KANSL1L: variants seen among roughly 807,000 people sequenced by gnomAD.
KANSL1L encodes KAT8 regulatory NSL complex subunit 1 like.
KANSL1L carries 25 observed loss-of-function variants against 108.6 expected under a neutral mutation model. That is an observed-to-expected ratio of 0.23 (90% confidence interval 0.17 to 0.32). The LOEUF (loss-of-function observed/expected upper bound fraction) is 0.32, where lower values mean the gene tolerates loss of function less well. KANSL1L is among the 10% of genes least tolerant of loss of function. The pLI, the probability that KANSL1L is intolerant of heterozygous loss-of-function variation, is 1.00. For synonymous variants in KANSL1L, 405 were observed against 395.1 expected (o/e 1.03, Z -0.30); for missense variants, 1,137 against 1,125.7 (o/e 1.01, Z -0.14).
intron 2 of KANSL1L, among the ~76,000 whole-genome samples, chr2:210,140,188 C>G (rs935527837): frequency 6.6e-6 from 1 of 152,140 alleles, no homozygotes; most frequent in Non-Finnish European, 1.5e-5. Flanking sequence ...TAGTTTGATG[C>G]AATTTCATTT....
chr2:210,024,340 CT>C, intron 13 of KANSL1L, 139 bp from the exon 14 acceptor site: 1 of 519,788 alleles, frequency 1.9e-6, no homozygotes, highest in African/African-American at 2.0e-5. Flanking sequence ...AAAAATTCCC[CT>C]GGTGCTATTT....
intron 6 of KANSL1L, among the ~76,000 whole-genome samples, chr2:210,065,110 G>C (rs999809231): frequency 6.6e-6 from 1 of 150,920 alleles, no homozygotes; most frequent in East Asian, 2.0e-4. Context: ...CATGGCCAAC[G>C]TGGTGAAACC....
intron 2 of KANSL1L, among the ~76,000 whole-genome samples, chr2:210,136,950 C>A (rs1321286698): frequency 2.0e-5 from 3 of 152,044 alleles, no homozygotes; most frequent in Non-Finnish European, 4.4e-5. Context: ...TAGTGCCAGA[C>A]CACACAATAC....
intron 5 of KANSL1L, among the ~76,000 whole-genome samples, chr2:210,076,639 C>T (rs924780612): frequency 2.6e-5 from 4 of 151,782 alleles, no homozygotes; most frequent in African/African-American, 9.7e-5. Flanking sequence ...ACCTAAGCTA[C>T]ACATGAAAAG....
intron 5 of KANSL1L, among the ~76,000 whole-genome samples, chr2:210,086,087 A>G (rs1349657784): frequency 6.6e-6 from 1 of 151,964 alleles, no homozygotes; most frequent in Non-Finnish European, 1.5e-5. Flanking sequence ...TTAGTTTGCC[A>G]GCCTAACTGC....
intron 4 of KANSL1L, among the ~76,000 whole-genome samples, chr2:210,102,036 A>T (rs933002688): frequency 6.6e-6 from 1 of 152,240 alleles, no homozygotes; most frequent in Non-Finnish European, 1.5e-5. Context: ...AGCACCACTT[A>T]TTAAATAGGG....
intron 2 of KANSL1L, among the ~76,000 whole-genome samples, chr2:210,136,488 T>C (rs781680737): frequency 1.5e-4 from 23 of 152,192 alleles, no homozygotes; most frequent in Non-Finnish European, 3.2e-4. Context: ...TGTAAATAAA[T>C]GTTAAACTAA....
rs141077150 is a variant in KANSL1L at position 210,036,420 on chromosome 2, G to C, written c.2029+4000C>G. 9.2e-4 allele frequency among the ~76,000 whole-genome samples: 140 copies of C among 152,094 alleles called. No individual in the cohort carries two copies. The East Asian group carries it at 0.02, about 22-fold the overall frequency. On this transcript the variant is annotated intron_variant, in intron 8 of 14. Transcript: ENST00000281772. ...TGGTCTTGAACTCCTGGGCTCAAGC[G>C]ATCCCCCTACCTCAGCCTCCCAAAG...
At chr2:210,169,082 C>T (rs1688171402) in intron 1 of KANSL1L, among the ~76,000 whole-genome samples, 1 of 152,218 alleles carries the variant, frequency 6.6e-6, no homozygotes, top group South Asian at 2.1e-4. Context: ...GAGGCACACA[C>T]ATACCACTAG....
intron 5 of KANSL1L, among the ~76,000 whole-genome samples, chr2:210,097,584 T>C (rs1027932404): frequency 4.6e-5 from 7 of 152,142 alleles, no homozygotes; most frequent in African/African-American, 1.2e-4. Context: ...TATAGATAAA[T>C]TGTTAATGTT....
intron 1 of KANSL1L, among the ~76,000 whole-genome samples, chr2:210,159,591 A>G (rs980261092): frequency 2.6e-5 from 4 of 152,238 alleles, no homozygotes; most frequent in Admixed American, 6.5e-5. Context: ...AAATTCATAA[A>G]TTAATTGATC....
At position 210,150,322 on chromosome 2, in the gene KANSL1L, C is replaced by T. The variant is rs570383403; in HGVS notation, c.1088+3173G>A. Among the ~76,000 whole-genome samples the T allele has an allele frequency of 1.1e-3, 162 of 151,972 alleles. 3 individuals are homozygous for T. The highest frequency in any genetic ancestry group is 1.3e-3 in the Non-Finnish European group (86 of 67,972). On this transcript the variant is annotated intron_variant, in intron 2 of 14. Coordinates refer to ENST00000281772, the MANE Select transcript of KANSL1L (RefSeq NM_152519.4). ...CAGAGTTGGTGAAAAATAGGAGGTA[C>T]GTTATTTAGTAAAAAAAAATTTTTT... is the stretch of plus-strand genomic sequence containing the variant.
chr2:210,125,835 A>G (rs1034284533), intron 3 of KANSL1L, among the ~76,000 whole-genome samples: 1 of 152,208 alleles, frequency 6.6e-6, no homozygotes, highest in East Asian at 1.9e-4. Context: ...CTACCTAAAC[A>G]TAATAAAAGC....
At chr2:210,056,768 C>T (rs2539007) in intron 6 of KANSL1L, among the ~76,000 whole-genome samples, 59,187 of 152,050 alleles carry the variant, frequency 0.39, 13,097 homozygotes, top group Middle Eastern at 0.56. Flanking sequence ...CATGAGCCAT[C>T]GTGCCAGGCC....
At chr2:210,171,051 A>G (rs999013780) in intron 1 of KANSL1L, 98 bp downstream of exon 1, 5 of 152,426 alleles carry the variant, frequency 3.3e-5, no homozygotes, top group African/African-American at 1.2e-4. Context: ...CTGACCCGCA[A>G]GTCCACCCGG....
chr2:210,142,566 T>C (rs1016436387), intron 2 of KANSL1L, among the ~76,000 whole-genome samples: 2 of 152,128 alleles, frequency 1.3e-5, no homozygotes, highest in South Asian at 4.1e-4. Flanking sequence ...TGAAGTATAA[T>C]GTTGTTTGAG....
intron 4 of KANSL1L, among the ~76,000 whole-genome samples, chr2:210,101,111 C>T (rs1410720292): frequency 6.6e-6 from 1 of 152,162 alleles, no homozygotes; most frequent in Admixed American, 6.6e-5. Flanking sequence ...AGAGCCATTA[C>T]TGCTCTCACA....
intron 5 of KANSL1L, among the ~76,000 whole-genome samples, chr2:210,078,919 TA>T (rs901907119): frequency 2.6e-5 from 4 of 151,456 alleles, no homozygotes; most frequent in East Asian, 1.9e-4. Context: ...GACATTCTTT[TA>T]AAAAAAAATA....
intron 3 of KANSL1L, among the ~76,000 whole-genome samples, chr2:210,123,017 G>C (rs1404637838): frequency 6.6e-6 from 1 of 152,124 alleles, no homozygotes; most frequent in Non-Finnish European, 1.5e-5. Context: ...AGTTAAAATA[G>C]CTTCTATCCA....
Sources: gnomAD v4.1 joint callset for allele counts (sites outside exome capture counted in the v4.1 genomes callset) on GRCh38, gnomAD v4.1.1 for gene constraint, MANE v1.5 for transcripts, NCBI Gene and HGNC (gene_info 2026-07-23, HGNC 2026-07-21) for gene names.